COL22A1: variants seen among roughly 807,000 people sequenced by gnomAD.
COL22A1 encodes the protein collagen type XXII alpha 1 chain.
COL22A1 carries 221 observed loss-of-function variants against 248.9 expected under a neutral mutation model. The observed-to-expected ratio is 0.89, with a 90% confidence interval of 0.80 to 0.99. The LOEUF (loss-of-function observed/expected upper bound fraction) is 0.99. COL22A1 is among the 50% of genes least tolerant of loss of function. COL22A1 has a pLI of 0.00. For missense variants in COL22A1, 2,240 were observed against 2,179.0 expected, an observed-to-expected ratio of 1.03 and a Z score of -0.56; for synonymous variants, 891 against 793.4, an observed-to-expected ratio of 1.12 and a Z score of -2.07.
intron 39 of COL22A1, among the ~76,000 whole-genome samples, chr8:138,679,954 A>G (rs1234165934): frequency 6.6e-6 from 1 of 152,226 alleles, no homozygotes; most frequent in African/African-American, 2.4e-5. Context: ...CTCCCAGCCC[A>G]GTCTGGAAGC....
intron 5 of COL22A1, chr8:138,828,089 G>T (rs1191792363): frequency 6.9e-6 from 1 of 145,254 alleles, no homozygotes; most frequent in Non-Finnish European, 1.5e-5. Context: ...TCCCTGGTGA[G>T]GAAACACTGA....
At chr8:138,727,666 C>T (rs935866930) in intron 23 of COL22A1, among the ~76,000 whole-genome samples, 6 of 152,138 alleles carry the variant, frequency 3.9e-5, no homozygotes, top group African/African-American at 1.2e-4. Flanking sequence ...AGACCAGGAC[C>T]ATTTACTGAA....
At chr8:138,670,646 G>A (rs2130765444) in intron 41 of COL22A1, among the ~76,000 whole-genome samples, 1 of 152,198 alleles carries the variant, frequency 6.6e-6, no homozygotes, top group African/African-American at 2.4e-5. Flanking sequence ...CAATCGTGCA[G>A]GAGCAATCAT....
intron 63 of COL22A1, among the ~76,000 whole-genome samples, chr8:138,593,629 G>A (rs1817274894): frequency 6.6e-6 from 1 of 152,058 alleles, no homozygotes; most frequent in Non-Finnish European, 1.5e-5. Context: ...GACCTGGGCA[G>A]TTAACAGCTG....
intron 3 of COL22A1, among the ~76,000 whole-genome samples, chr8:138,853,114 A>T (rs998632976): frequency 6.6e-6 from 1 of 152,146 alleles, no homozygotes; most frequent in African/African-American, 2.4e-5. Flanking sequence ...GGGAGAGGCT[A>T]CAGTGAGCAG....
intron 1 of COL22A1, among the ~76,000 whole-genome samples, chr8:138,903,617 G>A (rs2132171362): frequency 6.6e-6 from 1 of 152,208 alleles, no homozygotes; most frequent in East Asian, 1.9e-4. Context: ...TTTTCTACCT[G>A]GGCCCACAAT....
At chr8:138,894,374 G>A (rs1825257601) in intron 1 of COL22A1, among the ~76,000 whole-genome samples, 1 of 152,192 alleles carries the variant, frequency 6.6e-6, no homozygotes, top group African/African-American at 2.4e-5. Context: ...ACAGCCATGG[G>A]CAAAGTGGTC....
intron 3 of COL22A1, among the ~76,000 whole-genome samples, chr8:138,876,552 A>G (rs576486793): frequency 7.8e-4 from 119 of 152,346 alleles, no homozygotes; most frequent in Admixed American, 5.9e-3. Context: ...ATAAGTGGAG[A>G]TTAAAAGAGC....
chr8:138,859,552 C>A (rs59618889), intron 3 of COL22A1, among the ~76,000 whole-genome samples: 2,191 of 152,280 alleles, frequency 0.014, 54 homozygotes, highest in African/African-American at 0.05. Context: ...TCTGGTGCGG[C>A]CTTCCCAAGG....
chr8:138,793,181 A>C (rs1328780601), intron 12 of COL22A1, among the ~76,000 whole-genome samples: 1 of 152,154 alleles, frequency 6.6e-6, no homozygotes, highest in African/African-American at 2.4e-5. Context: ...CTCAAACTCA[A>C]TCCAACCTAT....
chr8:138,698,266 G>C (rs1433894166), intron 32 of COL22A1, among the ~76,000 whole-genome samples: 1 of 152,200 alleles, frequency 6.6e-6, no homozygotes, highest in Non-Finnish European at 1.5e-5. Flanking sequence ...AGGACAGCCA[G>C]CCGGAACTGA....
rs374735218 is a variant in COL22A1 at position 138,868,042 on chromosome 8, C to T, written c.658+9708G>A. On this transcript the variant is annotated intron_variant, in intron 3 of 64. Transcript: ENST00000303045. ...CCTCCCAAAGTGCTGGGATTACAGG[C>T]ATGAGCCACCGCACCCGGCCTATTG... Among the ~76,000 whole-genome samples the T allele has an allele frequency of 8.8e-4, 134 of 152,312 alleles. 3 individuals carry two copies. The South Asian group carries it at 0.027, about 31-fold the overall frequency.
intron 4 of COL22A1, among the ~76,000 whole-genome samples, chr8:138,835,638 A>G (rs969116591): frequency 6.6e-6 from 1 of 152,190 alleles, no homozygotes; most frequent in Non-Finnish European, 1.5e-5. Context: ...CAAACTGAAC[A>G]TAGGGCCTCA....
At chr8:138,642,534 T>C (rs958421993) in intron 47 of COL22A1, among the ~76,000 whole-genome samples, 9 of 152,182 alleles carry the variant, frequency 5.9e-5, no homozygotes, top group African/African-American at 1.9e-4. Context: ...TTGTTGTTCT[T>C]TTTTTCTGGA....
intron 39 of COL22A1, among the ~76,000 whole-genome samples, chr8:138,681,353 G>T (rs764538492): frequency 1.3e-5 from 2 of 151,832 alleles, no homozygotes; most frequent in Admixed American, 6.6e-5. Context: ...TGGATCTTTG[G>T]GATCCATTGG....
At chr8:138,606,019 T>G (rs1818391096) in intron 58 of COL22A1, among the ~76,000 whole-genome samples, 1 of 152,224 alleles carries the variant, frequency 6.6e-6, no homozygotes, top group South Asian at 2.1e-4. Flanking sequence ...TTGTATTTAT[T>G]GAGCACCTGC....
chr8:138,623,270 G>A (rs1487336284), intron 52 of COL22A1, among the ~76,000 whole-genome samples: 48 of 104,090 alleles, frequency 4.6e-4, no homozygotes, highest in East Asian at 1.8e-3. Flanking sequence ...TTATGTGTGT[G>A]TGTGTGTGTG....
At chr8:138,628,664 A>G (rs1048255725) in intron 50 of COL22A1, among the ~76,000 whole-genome samples, 2 of 152,132 alleles carry the variant, frequency 1.3e-5, no homozygotes, top group African/African-American at 4.8e-5. Flanking sequence ...TTCAAGTGCT[A>G]CCATAGCTTG....
rs150972699 is a variant in COL22A1 at position 138,664,194 on chromosome 8, T to TGCGCGCGC, written c.3151-462_3151-455dup. 7.2e-3 allele frequency among the ~76,000 whole-genome samples: 614 copies of TGCGCGCGC among 85,216 alleles called. 20 individuals carry two copies. The highest frequency in any genetic ancestry group is 0.025 in the Admixed American group (205 of 8,152). 55.9% of individuals were successfully genotyped at this position (85,216 alleles called of 152,430 possible). A position where few individuals can be genotyped will look rare whatever the true frequency, so the allele number is the denominator to read the frequency against. ...TCATGCTCCCTTCTCCAACAAGGGG[T>TGCGCGCGC]GCGCGCGCGCGCGCGCACACACACA... On this transcript the variant is annotated intron_variant, in intron 41 of 64. Coordinates refer to ENST00000303045, the MANE Select transcript of COL22A1 (RefSeq NM_152888.3).
Sources: allele counts gnomAD v4.1 joint callset (sites outside exome capture counted in the v4.1 genomes callset), GRCh38; gene constraint gnomAD v4.1.1; transcripts MANE v1.5; gene names NCBI Gene and HGNC (gene_info 2026-07-23, HGNC 2026-07-21).